The following DIP2C variants were observed in gnomAD, a reference collection of about 807,000 sequenced individuals.
DIP2C encodes the protein disco-interacting protein 2 homolog C.
A neutral mutation model predicts 192.4 loss-of-function variants in DIP2C; 33 were observed. The observed-to-expected ratio is 0.17, with a 90% CI of 0.13 to 0.23. The LOEUF is 0.23. Among genes scored for constraint, DIP2C ranks in the 10% least tolerant of loss-of-function variants. The pLI is 1.00. For missense variants in DIP2C, 1,537 were observed against 2,110.1 expected (o/e 0.73, Z 5.32); for synonymous variants, 979 against 864.1 (o/e 1.13, Z -2.33).
chr10:606,318 C>T (rs529618434), intron 1 of DIP2C, among the ~76,000 whole-genome samples: 6 of 152,198 alleles, frequency 3.9e-5, no homozygotes, highest in Admixed American at 1.3e-4. Flanking sequence ...CAGCTCAGGG[C>T]ACGGCCACTC....
chr10:627,776 G>A (rs149955761), intron 1 of DIP2C, among the ~76,000 whole-genome samples: 92 of 152,352 alleles, frequency 6.0e-4, no homozygotes, highest in Non-Finnish European at 1.0e-3. Context: ...CAAACAGACC[G>A]CACGGCTCAG....
chr10:514,114 C>T (rs1376554703), intron 1 of DIP2C, among the ~76,000 whole-genome samples: 2 of 152,170 alleles, frequency 1.3e-5, no homozygotes, highest in Non-Finnish European at 2.9e-5. Flanking sequence ...CTGGCCACCT[C>T]GGGGGGACAG....
At chr10:610,998 C>A (rs1242917944) in intron 1 of DIP2C, among the ~76,000 whole-genome samples, 1 of 142,512 alleles carries the variant, frequency 7.0e-6, no homozygotes, top group Non-Finnish European at 1.5e-5. Context: ...GCTTTCTAAC[C>A]CCCCAGTGTT....
At chr10:332,920 T>G (rs566358740) in intron 29 of DIP2C, among the ~76,000 whole-genome samples, 1 of 152,330 alleles carries the variant, frequency 6.6e-6, no homozygotes, top group South Asian at 2.1e-4. Flanking sequence ...TTTTTATTGT[T>G]GAGACAGAGT....
At chr10:291,109 C>A (rs1298760228) in intron 32 of DIP2C, among the ~76,000 whole-genome samples, 1 of 152,236 alleles carries the variant, frequency 6.6e-6, no homozygotes, top group Non-Finnish European at 1.5e-5. Flanking sequence ...ACTAAGGGGG[C>A]ATGGAGGAAA....
chr10:418,260 C>T (rs1346249012), intron 6 of DIP2C, among the ~76,000 whole-genome samples: 1 of 140,622 alleles, frequency 7.1e-6, no homozygotes, highest in Non-Finnish European at 1.6e-5. Flanking sequence ...TTCACTGCAC[C>T]TGTCAGGCCT....
At chr10:482,538 T>C (rs542242011) in intron 2 of DIP2C, among the ~76,000 whole-genome samples, 8 of 152,252 alleles carry the variant, frequency 5.3e-5, no homozygotes, top group African/African-American at 1.9e-4. Context: ...CATCAAGCTG[T>C]CCGGCTATTG....
intron 1 of DIP2C, among the ~76,000 whole-genome samples, chr10:539,597 T>C (rs1033341652): frequency 4.6e-5 from 7 of 152,216 alleles, no homozygotes; most frequent in African/African-American, 1.7e-4. Context: ...TAAAAAGTTA[T>C]GTACTAAATC....
rs1452824004 is a variant in DIP2C, at chr10:286,338, C to G, written c.4054G>C (p.Gly1352Arg). The G allele has an allele frequency of 6.2e-7, 1 of 1,614,124 alleles. No individual in the cohort carries two copies. Among genetic ancestry groups the G allele is most frequent in the Non-Finnish European group, 8.5e-7 (1 of 1,179,986 alleles). The change falls in exon 34 of 37, where the codon GGG (glycine) becomes CGG (arginine). Residue 1352 changes from glycine to arginine, a missense_variant. By Grantham distance (125) the Gly-to-Arg change is moderately radical. This residue lies in a region of DIP2C where 341 missense variants were observed against 551.7 expected (regional missense o/e 0.62). Transcript: ENST00000280886. The stretch of plus-strand genomic sequence containing the variant: ...GGGTTGGCAATTATAATCCGAACCC[C>G]TGGAAGTATCTATTTGGGAGAGGAA... ...PLMESGKILPGVRIIIANPET... is the reference protein window; with the variant it reads ...PLMESGKILPRVRIIIANPET...
chr10:354,987 G>A (rs1959007871), intron 24 of DIP2C, among the ~76,000 whole-genome samples: 1 of 151,922 alleles, frequency 6.6e-6, no homozygotes, highest in African/African-American at 2.4e-5. Flanking sequence ...TTAGCAAAGG[G>A]GGTATCATCC....
At chr10:665,122 G>A (rs1217888899) in intron 1 of DIP2C, 3 of 152,102 alleles carry the variant, frequency 2.0e-5, no homozygotes, top group Non-Finnish European at 2.9e-5. Flanking sequence ...CAGCTTTAAA[G>A]ATTTAAATTT....
intron 1 of DIP2C, among the ~76,000 whole-genome samples, chr10:527,974 C>T (rs573360080): frequency 6.6e-6 from 1 of 152,166 alleles, no homozygotes; most frequent in Non-Finnish European, 1.5e-5. Flanking sequence ...GATGGCCACT[C>T]TCACCCTAAG....
At chr10:575,730 A>AG (rs1194835325) in intron 1 of DIP2C, among the ~76,000 whole-genome samples, 1 of 152,226 alleles carries the variant, frequency 6.6e-6, no homozygotes, top group Non-Finnish European at 1.5e-5. Context: ...TAGGGAGGGC[A>AG]GGGCAAGCTA....
intron 31 of DIP2C, among the ~76,000 whole-genome samples, chr10:313,761 A>G (rs1015556358): frequency 3.3e-5 from 5 of 152,254 alleles, no homozygotes; most frequent in Admixed American, 1.3e-4. Flanking sequence ...CAGAAGTATT[A>G]TATCAATTAG....
intron 4 of DIP2C, among the ~76,000 whole-genome samples, chr10:426,185 T>G (rs1966585675): frequency 6.6e-6 from 1 of 152,174 alleles, no homozygotes; most frequent in Admixed American, 6.5e-5. Context: ...GGACACAAGA[T>G]ATACATATAC....
intron 1 of DIP2C, among the ~76,000 whole-genome samples, chr10:546,294 A>AAG (rs1378369719): frequency 3.3e-5 from 5 of 151,180 alleles, no homozygotes; most frequent in Admixed American, 6.6e-5. Context: ...AAAAAAAAAA[A>AAG]GTAACAAATT....
At chr10:292,285 C>G (rs551590660) in intron 32 of DIP2C, among the ~76,000 whole-genome samples, 3 of 152,226 alleles carry the variant, frequency 2.0e-5, no homozygotes, top group Non-Finnish European at 4.4e-5. Context: ...AACAGTGCAC[C>G]TACTTTCACA....
At chr10:531,057 C>T (rs952711182) in intron 1 of DIP2C, among the ~76,000 whole-genome samples, 4 of 152,158 alleles carry the variant, frequency 2.6e-5, no homozygotes, top group East Asian at 1.9e-4. Flanking sequence ...GAGCCAGTCT[C>T]GGCTGTTGAC....
chr10:617,629 C>T lies in DIP2C; in HGVS notation c.85+71865G>A, dbSNP rs1408344791. 2.0e-5 allele frequency among the ~76,000 whole-genome samples: 3 copies of T among 152,170 alleles called. No homozygotes were observed. The East Asian group carries it at 5.8e-4, about 30-fold the overall frequency. ...GTAGCGGCCACCAGCAAACCCAGCC[C>T]CACTGTCCAGGCTCCTGTGGATACC... On this transcript the variant is annotated intron_variant, in intron 1 of 36. Coordinates refer to ENST00000280886, the MANE Select transcript of DIP2C (RefSeq NM_014974.3).
Sources: gnomAD v4.1 joint callset for allele counts (sites outside exome capture counted in the v4.1 genomes callset) on GRCh38, gnomAD v4.1.1 for gene constraint, gnomAD v4.1.1 regional missense constraint, MANE v1.5 for transcripts, NCBI Gene and HGNC (gene_info 2026-07-23, HGNC 2026-07-21) for gene names.